CDC42BPA: variants seen among roughly 807,000 people sequenced by gnomAD.
CDC42BPA encodes the protein serine/threonine-protein kinase MRCK alpha.
CDC42BPA carries 80 observed loss-of-function variants against 223.5 expected under a neutral mutation model. The ratio of observed to expected loss-of-function variants is 0.36; its 90% confidence interval spans 0.30 to 0.43. The LOEUF (loss-of-function observed/expected upper bound fraction) is 0.43, where lower values mean the gene tolerates loss of function less well. Ranked by LOEUF, CDC42BPA falls within the 20% of genes least tolerant of loss-of-function variation. The pLI is 1.00. For synonymous variants in CDC42BPA, 694 were observed against 718.6 expected, an observed-to-expected ratio of 0.97 and a Z score of 0.55; for missense variants, 1,743 against 2,099.9, an observed-to-expected ratio of 0.83 and a Z score of 3.32.
intron 21 of CDC42BPA, among the ~76,000 whole-genome samples, chr1:227,064,858 G>T (rs1676653969): frequency 6.6e-6 from 1 of 152,154 alleles, no homozygotes; most frequent in Non-Finnish European, 1.5e-5. Context: ...AGCACTTTGG[G>T]AGGCCGAGGT....
At chr1:227,023,987 G>A (rs1667820328) in intron 31 of CDC42BPA, among the ~76,000 whole-genome samples, 1 of 152,088 alleles carries the variant, frequency 6.6e-6, no homozygotes, top group Admixed American at 6.6e-5. Context: ...TAAAGGAAAA[G>A]AAAGATACAT....
At chr1:227,133,085 T>TG (rs1164458117) in intron 10 of CDC42BPA, among the ~76,000 whole-genome samples, 11 of 83,226 alleles carry the variant, frequency 1.3e-4, no homozygotes, top group East Asian at 3.9e-4. Flanking sequence ...GGGAGGGAGG[T>TG]GGGGGGGTCA....
chr1:227,161,442 TA>T (rs1201407911), intron 5 of CDC42BPA, among the ~76,000 whole-genome samples: 2 of 152,208 alleles, frequency 1.3e-5, no homozygotes, highest in East Asian at 1.9e-4. Flanking sequence ...AGAACCTATA[TA>T]TTTTTTAAAA....
intron 6 of CDC42BPA, among the ~76,000 whole-genome samples, chr1:227,147,878 C>G (rs1438350384): frequency 6.9e-6 from 1 of 144,076 alleles, no homozygotes; most frequent in African/African-American, 2.5e-5. Context: ...TGATAATTAC[C>G]TGTCAAACCT....
At chr1:227,159,916 T>C (rs1276396850) in intron 6 of CDC42BPA, among the ~76,000 whole-genome samples, 1 of 151,984 alleles carries the variant, frequency 6.6e-6, no homozygotes, top group African/African-American at 2.4e-5. Flanking sequence ...CAATCTTGGC[T>C]CACTGCAACC....
At chr1:227,142,403 A>G (rs1229237289) in intron 9 of CDC42BPA, among the ~76,000 whole-genome samples, 4 of 152,182 alleles carry the variant, frequency 2.6e-5, no homozygotes, top group Non-Finnish European at 5.9e-5. Flanking sequence ...TTACTGCTTC[A>G]TTGGTAAGGA....
chr1:227,128,836 CTG>C (rs902898701), intron 11 of CDC42BPA, among the ~76,000 whole-genome samples: 17 of 152,238 alleles, frequency 1.1e-4, no homozygotes, highest in African/African-American at 3.9e-4. Context: ...TCACGTAAGT[CTG>C]TGTCAGGTGA....
Position 226,994,895 on chromosome 1 carries a change from C to T in CDC42BPA, c.5061G>A (p.Pro1687=), listed in dbSNP as rs748430428. ...CTCCAGAGGACAAAGAGCCCTCTGA[C>T]GGGGAGGGCATGGGCTGCCGCTTGG... ...YSAKRQPMPS[P]SEGSLSSGGM... Residue 1687 remains proline (P), a synonymous_variant, in exon 36 of 37, where the codon CCG becomes CCA. Coordinates refer to ENST00000366766, the MANE Select transcript of CDC42BPA (RefSeq NM_001394014.1). This position sits in a 1 kb window ranked among gnomAD's most constrained non-coding sequence, Gnocchi z 4.0. The T allele has an allele frequency of 2.7e-5, 44 of 1,613,308 alleles. No individual in the cohort carries two copies. In the Admixed American group the frequency reaches 2.8e-4, roughly 10 times the overall value.
At chr1:227,263,284 G>A (rs1684406569) in intron 1 of CDC42BPA, among the ~76,000 whole-genome samples, 1 of 152,086 alleles carries the variant, frequency 6.6e-6, no homozygotes, top group Non-Finnish European at 1.5e-5. Context: ...CTAAAATATT[G>A]TAGTTTACAT....
intron 6 of CDC42BPA, among the ~76,000 whole-genome samples, chr1:227,157,955 C>CTTTTTTTTTTTTTTTTTTTT (rs59212512): frequency 6.9e-6 from 1 of 144,962 alleles, no homozygotes; most frequent in Non-Finnish European, 1.5e-5. Context: ...ATTTTTATAA[C>CTTTTTTTTTTTTTTTTTTTT]TTTTTTTTTT....
Position 227,100,995 on chromosome 1 carries a change from T to C in CDC42BPA, c.2246A>G (p.Glu749Gly). 2 of 1,483,806 alleles carry C rather than the reference T, an allele frequency of 1.3e-6. No homozygotes were observed. Among genetic ancestry groups the C allele is most frequent in the South Asian group, 2.3e-5 (2 of 85,652 alleles). The allele number at this position is 1,483,806 out of a possible 1,614,324, so 91.9% of individuals were successfully genotyped here. A position where few individuals can be genotyped will look rare whatever the true frequency, so the allele number is the denominator to read the frequency against. ...TAGTAAATAATGTGATTCTTACCTT[T>C]CTCTTCTGGTTTTTTCCAATTTGTC... ...LKDKLEKTRRESQSEREEFES... is the reference protein window; with the variant it reads ...LKDKLEKTRRGSQSEREEFES... The change falls in exon 15 of 37, where the codon GAA (glutamate) becomes GGA (glycine). Residue 749 changes from glutamate to glycine, a missense_variant. Physicochemically the swap from Glu to Gly is moderately conservative, Grantham distance 98 (BLOSUM62 -2). Transcript: ENST00000366766.
intron 4 of CDC42BPA, among the ~76,000 whole-genome samples, chr1:227,196,194 C>G (rs1303953103): frequency 6.6e-6 from 1 of 151,854 alleles, no homozygotes; most frequent in African/African-American, 2.4e-5. Flanking sequence ...TTTCAAGGAA[C>G]AGATATAATT....
At chr1:227,215,698 C>T (rs1369132018) in intron 2 of CDC42BPA, among the ~76,000 whole-genome samples, 2 of 152,182 alleles carry the variant, frequency 1.3e-5, no homozygotes, top group African/African-American at 4.8e-5. Context: ...AGCCCAATCT[C>T]TTCACTGCCA....
At chr1:227,173,981 C>G (rs1212982371) in intron 5 of CDC42BPA, among the ~76,000 whole-genome samples, 1 of 152,040 alleles carries the variant, frequency 6.6e-6, no homozygotes, top group Non-Finnish European at 1.5e-5. Flanking sequence ...CTTGTAGTTA[C>G]TGAAATACCA....
intron 2 of CDC42BPA, among the ~76,000 whole-genome samples, chr1:227,229,917 G>T (rs1483006132): frequency 3.9e-5 from 6 of 152,104 alleles, no homozygotes; most frequent in Non-Finnish European, 5.9e-5. Flanking sequence ...ATGTGTCTGG[G>T]TGTAATTTTC....
At chr1:227,198,359 G>T (rs962656756) in intron 4 of CDC42BPA, among the ~76,000 whole-genome samples, 1 of 150,704 alleles carries the variant, frequency 6.6e-6, no homozygotes, top group East Asian at 2.0e-4. Context: ...TCAAGAGGCT[G>T]AGGTGGGAGG....
intron 2 of CDC42BPA, among the ~76,000 whole-genome samples, chr1:227,222,265 T>C (rs35013337): frequency 0.02 from 3,007 of 151,630 alleles, 85 homozygotes; most frequent in African/African-American, 0.068. Flanking sequence ...TCCCAGCACT[T>C]TGGGAGGCCA....
intron 2 of CDC42BPA, among the ~76,000 whole-genome samples, chr1:227,224,311 G>GCAAC (rs1676473191): frequency 6.7e-6 from 1 of 150,094 alleles, no homozygotes; most frequent in African/African-American, 2.5e-5. Flanking sequence ...TCAGCTCACT[G>GCAAC]CAACCTCTGC....
intron 5 of CDC42BPA, among the ~76,000 whole-genome samples, chr1:227,163,433 T>C (rs1275758892): frequency 1.3e-5 from 2 of 152,148 alleles, no homozygotes; most frequent in Admixed American, 6.6e-5. Flanking sequence ...AGACTATAGA[T>C]GTAGAAGTGA....
Sources: allele counts gnomAD v4.1 joint callset (sites outside exome capture counted in the v4.1 genomes callset), GRCh38; gene constraint gnomAD v4.1.1; non-coding constraint Gnocchi (gnomAD v3.1); transcripts MANE v1.5; gene names NCBI Gene and HGNC (gene_info 2026-07-23, HGNC 2026-07-21).